Variants in ITGA9 observed in about 807,000 individuals in gnomAD.
ITGA9 encodes the protein integrin alpha-9.
ITGA9 carries 56 observed loss-of-function variants against 127.8 expected under a neutral mutation model. The ratio of observed to expected loss-of-function variants is 0.44; its 90% CI spans 0.35 to 0.55. The LOEUF is 0.55. ITGA9 is among the 20% of genes least tolerant of loss of function. ITGA9 has a pLI of 0.00. For missense variants in ITGA9, 1,196 were observed against 1,347.1 expected (o/e 0.89, Z 1.76); for synonymous variants, 508 against 514.5 (o/e 0.99, Z 0.17).
chr3:37,615,859 T>C (rs1700069150), intron 15 of ITGA9, among the ~76,000 whole-genome samples: 1 of 152,232 alleles, frequency 6.6e-6, no homozygotes, highest in Non-Finnish European at 1.5e-5. Flanking sequence ...TTCTCTCTTT[T>C]CTTCATTAGT....
At chr3:37,493,287 C>T (rs1021378077) in intron 4 of ITGA9, among the ~76,000 whole-genome samples, 6 of 152,172 alleles carry the variant, frequency 3.9e-5, no homozygotes, top group African/African-American at 1.4e-4. Flanking sequence ...CACTGTGTTG[C>T]AATCATAGTT....
At chr3:37,631,233 G>A (rs1056912556) in intron 16 of ITGA9, among the ~76,000 whole-genome samples, 5 of 152,158 alleles carry the variant, frequency 3.3e-5, no homozygotes, top group Admixed American at 1.3e-4. Context: ...ACCCAGTGAG[G>A]TAGTCATCTA....
intron 15 of ITGA9, among the ~76,000 whole-genome samples, chr3:37,552,205 G>C (rs1699384948): frequency 7.0e-6 from 1 of 143,596 alleles, no homozygotes; most frequent in African/African-American, 2.9e-5. Flanking sequence ...TTCGGAGCCA[G>C]CTAAGGTTTT....
Position 37,622,421 on chromosome 3 carries a change from G to A in ITGA9, c.1690-6766G>A, listed in dbSNP as rs762918726. Among the ~76,000 whole-genome samples the A allele has an allele frequency of 4.1e-4, 63 of 152,178 alleles. No homozygotes were observed. The Middle Eastern group carries it at 0.014, about 33-fold the overall frequency. On this transcript the variant is annotated intron_variant, in intron 15 of 27. Transcript: ENST00000264741. ...CTTTTTAATTTATAGGATTGTAAAT[G>A]AAACTATACTTGGCCTCAGTTTATT...
intron 1 of ITGA9, among the ~76,000 whole-genome samples, chr3:37,455,625 A>T (rs1452825353): frequency 6.6e-6 from 1 of 152,216 alleles, no homozygotes; most frequent in African/African-American, 2.4e-5. Context: ...AAAGGAAAAG[A>T]AGACATGTTA....
At chr3:37,566,003 A>G (rs1262576572) in intron 15 of ITGA9, among the ~76,000 whole-genome samples, 1 of 152,258 alleles carries the variant, frequency 6.6e-6, no homozygotes, top group Non-Finnish European at 1.5e-5. Flanking sequence ...GAGTTCCACC[A>G]TGAGCACATG....
chr3:37,748,576 C>T lies in ITGA9; in HGVS notation c.2434-1886C>T, dbSNP rs139779765. The T allele has an allele frequency of 8.6e-3, 3,934 of 455,516 alleles. 19 individuals carry two copies. The highest frequency in any genetic ancestry group is 0.012 in the Non-Finnish European group (3,005 of 251,444). 28.2% of individuals were successfully genotyped at this position (455,516 alleles called of 1,614,324 possible). On this transcript the variant is annotated intron_variant, in intron 22 of 27. Coordinates refer to ENST00000264741, the MANE Select transcript of ITGA9 (RefSeq NM_002207.3). ...CAACCTGGCCAACATGGTGAAATCC[C>T]GTCTCTACTAAAATACAAAAATTAG...
chr3:37,716,006 A>C (rs7647956), intron 18 of ITGA9, among the ~76,000 whole-genome samples: 71,528 of 152,078 alleles, frequency 0.47, 17,074 homozygotes, highest in South Asian at 0.57. Flanking sequence ...ATGTGATATC[A>C]AGCAAAGTCC....
At chr3:37,491,869 CAT>C (rs955260082) in intron 4 of ITGA9, among the ~76,000 whole-genome samples, 2 of 152,166 alleles carry the variant, frequency 1.3e-5, no homozygotes, top group Non-Finnish European at 2.9e-5. Flanking sequence ...GCCCTCTTGA[CAT>C]ATATATGAAG....
At chr3:37,734,265 G>A (rs546578452) in intron 19 of ITGA9, among the ~76,000 whole-genome samples, 14 of 152,372 alleles carry the variant, frequency 9.2e-5, no homozygotes, top group African/African-American at 3.4e-4. Context: ...TCCAGGTAGG[G>A]TGAGGGTGGA....
At chr3:37,663,206 G>A (rs1274135885) in intron 17 of ITGA9, among the ~76,000 whole-genome samples, 1 of 152,104 alleles carries the variant, frequency 6.6e-6, no homozygotes, top group Non-Finnish European at 1.5e-5. Flanking sequence ...ATGCAACTAT[G>A]TTTTGTCTTT....
intron 12 of ITGA9, among the ~76,000 whole-genome samples, chr3:37,524,742 G>C (rs1699076370): frequency 6.6e-6 from 1 of 152,178 alleles, no homozygotes; most frequent in South Asian, 2.1e-4. Context: ...ATTGTGAGGG[G>C]CTGCCCAGAG....
At chr3:37,457,129 G>A (rs537566680) in intron 1 of ITGA9, among the ~76,000 whole-genome samples, 3 of 152,318 alleles carry the variant, frequency 2.0e-5, no homozygotes, top group Admixed American at 1.3e-4. Flanking sequence ...TACTAAAACC[G>A]AAACGGGTGC....
At chr3:37,644,330 C>T (rs534867850) in intron 16 of ITGA9, among the ~76,000 whole-genome samples, 1 of 152,216 alleles carries the variant, frequency 6.6e-6, no homozygotes, top group African/African-American at 2.4e-5. Flanking sequence ...AGTGAAACAA[C>T]TCAGACACAG....
chr3:37,788,778 T>A (rs1232951631), intron 26 of ITGA9, among the ~76,000 whole-genome samples: 1 of 152,178 alleles, frequency 6.6e-6, no homozygotes, highest in Non-Finnish European at 1.5e-5. Flanking sequence ...CTGTATATCA[T>A]CACCACATTT....
intron 4 of ITGA9, among the ~76,000 whole-genome samples, chr3:37,486,733 C>T (rs1186773675): frequency 1.3e-5 from 2 of 152,164 alleles, no homozygotes; most frequent in African/African-American, 2.4e-5. Flanking sequence ...GTAAGTGTTC[C>T]TTCCCTCTTT....
chr3:37,651,899 T>TGCA (rs1700432544), intron 16 of ITGA9, among the ~76,000 whole-genome samples: 2 of 152,172 alleles, frequency 1.3e-5, no homozygotes, highest in African/African-American at 4.8e-5. Context: ...TCTGGCAGCC[T>TGCA]GCATGTCACC....
chr3:37,793,328 C>G (rs1697134067), intron 26 of ITGA9, among the ~76,000 whole-genome samples: 1 of 150,864 alleles, frequency 6.6e-6, no homozygotes, highest in South Asian at 2.1e-4. Context: ...AGTTATACCC[C>G]CAGTAACTAT....
chr3:37,473,369 C>T lies in ITGA9; in HGVS notation c.329C>T (p.Thr110Met), dbSNP rs143806524. 226 of 1,613,908 alleles carry T rather than the reference C, an allele frequency of 1.4e-4. 1 individual carries two copies. In the African/African-American group the frequency reaches 2.1e-3, roughly 15 times the overall value. ...LDMARGKNRGTSCGKTCREDR... is the reference protein window; with the variant it reads ...LDMARGKNRGMSCGKTCREDR... ...CTTTCTCCAGGGAAGAATCGGGGCA[C>T]GTCCTGCGGAAAGACCTGCCGGGAA... The change falls in exon 3 of 28, where the codon ACG (threonine) becomes ATG (methionine). Residue 110 changes from threonine to methionine, a missense_variant. Thr to Met is a moderately conservative substitution (Grantham distance 81, BLOSUM62 -1). Transcript: ENST00000264741.
Sources: gnomAD v4.1 joint callset for allele counts (sites outside exome capture counted in the v4.1 genomes callset) on GRCh38, gnomAD v4.1.1 for gene constraint, MANE v1.5 for transcripts, NCBI Gene and HGNC (gene_info 2026-07-23, HGNC 2026-07-21) for gene names.